Variants in TENT4A observed in about 807,000 individuals in gnomAD.
TENT4A encodes the protein terminal nucleotidyltransferase 4A.
TENT4A carries 7 observed loss-of-function variants against 72.8 expected under a neutral mutation model. That is an observed-to-expected ratio of 0.10 (90% CI 0.05 to 0.18). The LOEUF is 0.18. Among genes scored for constraint, TENT4A ranks in the 10% least tolerant of loss-of-function variants. The pLI is 1.00. For synonymous variants in TENT4A, 456 were observed against 434.3 expected (o/e 1.05, Z -0.62); for missense variants, 831 against 1,017.7 (o/e 0.82, Z 2.50).
intron 1 of TENT4A, among the ~76,000 whole-genome samples, chr5:6,725,990 G>A (rs1377175303): frequency 6.6e-6 from 1 of 152,196 alleles, no homozygotes; most frequent in African/African-American, 2.4e-5. Flanking sequence ...CAGAGTAAAA[G>A]CTTTGATGAA....
intron 1 of TENT4A, among the ~76,000 whole-genome samples, chr5:6,730,148 C>T (rs1408795482): frequency 6.6e-6 from 1 of 152,032 alleles, no homozygotes; most frequent in Non-Finnish European, 1.5e-5. Flanking sequence ...GCATTTGCAG[C>T]GTGCTTGGGT....
intron 1 of TENT4A, among the ~76,000 whole-genome samples, chr5:6,727,743 G>A (rs555071274): frequency 8.7e-4 from 132 of 152,246 alleles, no homozygotes; most frequent in Non-Finnish European, 1.7e-3. Context: ...GCAACTTTTT[G>A]GTTTATTTTG....
In TENT4A at chr5:6,755,836, G is replaced by A. The variant is rs1320049203; in HGVS notation, c.*891G>A. ...CTGGACAACAAATCCAGCATTTCAA[G>A]TGCCAGAAGTATAACTTTCTAAGGA... On this transcript the variant is annotated 3_prime_UTR_variant, in exon 13 of 13. Transcript: ENST00000230859. The A allele has an allele frequency of 1.3e-5, 2 of 152,360 alleles. No homozygotes were observed. Among genetic ancestry groups the A allele is most frequent in the East Asian group, 1.9e-4 (1 of 5,194 alleles). 9.4% of individuals were successfully genotyped at this position (152,360 alleles called of 1,614,324 possible). A position where few individuals can be genotyped will look rare whatever the true frequency, so the allele number is the denominator to read the frequency against.
chr5:6,745,111 CTAAG>C (rs1215409568), intron 6 of TENT4A, among the ~76,000 whole-genome samples: 1 of 152,146 alleles, frequency 6.6e-6, no homozygotes, highest in Non-Finnish European at 1.5e-5. Context: ...AGTTTCTTGA[CTAAG>C]TGAGGGGAGG....
At chr5:6,726,176 C>T (rs1740909889) in intron 1 of TENT4A, among the ~76,000 whole-genome samples, 2 of 152,144 alleles carry the variant, frequency 1.3e-5, no homozygotes, top group South Asian at 4.2e-4. Context: ...AAGCACTTGC[C>T]AGTGTGGATT....
At chr5:6,745,721 A>G (rs1260587820) in intron 6 of TENT4A, among the ~76,000 whole-genome samples, 11 of 152,152 alleles carry the variant, frequency 7.2e-5, no homozygotes, top group African/African-American at 2.2e-4. Context: ...TGCTATAAAT[A>G]TTGTGATATA....
chr5:6,748,418 G>A (rs779962652), intron 7 of TENT4A, 46 bp from the exon 8 acceptor site: 106 of 1,606,544 alleles, frequency 6.6e-5, no homozygotes, highest in South Asian at 1.1e-4. Flanking sequence ...ACATGTGGAC[G>A]ATGGTGTGCA....
intron 1 of TENT4A, among the ~76,000 whole-genome samples, chr5:6,731,752 G>A (rs1281753218): frequency 2.6e-5 from 4 of 152,048 alleles, no homozygotes; most frequent in Non-Finnish European, 5.9e-5. Flanking sequence ...GTTCATTTTC[G>A]TGACGTTTCC....
chr5:6,751,652 CTTT>C (rs1028761680), intron 11 of TENT4A, among the ~76,000 whole-genome samples: 1 of 152,094 alleles, frequency 6.6e-6, no homozygotes, highest in African/African-American at 2.4e-5. Context: ...ATTTCTAAGG[CTTT>C]TTCTGTTGGA....
rs958067996 is a variant in TENT4A at position 6,755,745 on chromosome 5, G to A, written c.*800G>A. Reference sequence around the variant, plus strand: ...GCAGACTGCCCGTGGCCCTGCTGTCGGGCCCCAGGCCGTTGTCCTGCTCTG... The same window carrying A: ...GCAGACTGCCCGTGGCCCTGCTGTCAGGCCCCAGGCCGTTGTCCTGCTCTG... On this transcript the variant is annotated 3_prime_UTR_variant, in exon 13 of 13. Transcript: ENST00000230859. The A allele has an allele frequency of 3.9e-5, 6 of 152,268 alleles. No homozygotes were observed. Among genetic ancestry groups the A allele is most frequent in the Admixed American group, 2.0e-4 (3 of 15,292 alleles). 9.4% of individuals were successfully genotyped at this position (152,268 alleles called of 1,614,324 possible). A position where few individuals can be genotyped will look rare whatever the true frequency, so the allele number is the denominator to read the frequency against.
chr5:6,755,167 C>A lies in TENT4A; in HGVS notation c.*222C>A. ...CCTTATTAAACGTGGACGTTGTTTT[C>A]TGCCTTCCCAGGATTCTTCCTTCAG... On this transcript the variant is annotated 3_prime_UTR_variant, in exon 13 of 13. Transcript: ENST00000230859. The A allele has an allele frequency of 2.4e-6, 1 of 418,378 alleles. No individual in the cohort carries two copies. The highest frequency in any genetic ancestry group is 4.2e-6 in the Non-Finnish European group (1 of 236,096). 25.9% of individuals were successfully genotyped at this position (418,378 alleles called of 1,614,324 possible).
intron 4 of TENT4A, among the ~76,000 whole-genome samples, chr5:6,740,533 T>G (rs1364598028): frequency 6.6e-6 from 1 of 152,182 alleles, no homozygotes; most frequent in Non-Finnish European, 1.5e-5. Flanking sequence ...TTTAGCAGAA[T>G]GTAAGTTAAG....
intron 7 of TENT4A, among the ~76,000 whole-genome samples, chr5:6,747,664 A>G (rs1742181167): frequency 6.6e-6 from 1 of 152,192 alleles, no homozygotes; most frequent in African/African-American, 2.4e-5. Context: ...ATTGTCTTCA[A>G]GTGTCTGCTG....
rs1185334140 is a variant in TENT4A at position 6,739,871 on chromosome 5, C to T, written c.1008+19C>T. On this transcript the variant is annotated intron_variant, in intron 4 of 12. Coordinates refer to ENST00000230859, the MANE Select transcript of TENT4A (RefSeq NM_006999.6). ...GGCTACGGTGAGTGCCTGGCTTTGG[C>T]CCCTCTGACCGGGCAGGAGCCTTGT... 3.7e-6 allele frequency: 6 copies of T among 1,609,768 alleles called. 1 individual carries two copies. In the Admixed American group the frequency reaches 5.0e-5, roughly 13 times the overall value.
intron 1 of TENT4A, among the ~76,000 whole-genome samples, chr5:6,732,169 AT>A (rs1450688131): frequency 6.6e-6 from 1 of 152,172 alleles, no homozygotes; most frequent in East Asian, 1.9e-4. Flanking sequence ...CCTGGGAGAG[AT>A]ACAAAGCGCC....
At chr5:6,728,964 G>A (rs1265544654) in intron 1 of TENT4A, among the ~76,000 whole-genome samples, 2 of 151,996 alleles carry the variant, frequency 1.3e-5, no homozygotes, top group African/African-American at 2.4e-5. Flanking sequence ...GTATCATTTC[G>A]TATTTTAAAA....
chr5:6,749,590 G>T lies in TENT4A; in HGVS notation c.1620G>T (p.Glu540Asp), dbSNP rs140169056. ...GAAGAATCATCAAAGTAACTCAGGA[G>T]GTGATTGACTACCGGAGGTGGATCA... ...TLGRIIKVTQ[E>D]VIDYRRWIKE... Residue 540 changes from glutamate (E) to aspartate (D), a missense_variant, in exon 9 of 13, where the codon GAG (glutamate) becomes GAT (aspartate). Physicochemically the swap from Glu to Asp is conservative, Grantham distance 45. This residue lies in a region of TENT4A where 197 missense variants were observed against 399.6 expected (regional missense o/e 0.49). Transcript: ENST00000230859. 6.2e-7 allele frequency: 1 copy of T among 1,613,812 alleles called. No individual in the cohort carries two copies.
intron 1 of TENT4A, among the ~76,000 whole-genome samples, chr5:6,724,679 T>C (rs912525831): frequency 1.3e-5 from 2 of 152,066 alleles, no homozygotes; most frequent in Non-Finnish European, 2.9e-5. Context: ...TTAGGATTGG[T>C]TTTAGAATAA....
intron 1 of TENT4A, among the ~76,000 whole-genome samples, chr5:6,715,949 T>C (rs1419917781): frequency 6.6e-6 from 1 of 152,156 alleles, no homozygotes; most frequent in Non-Finnish European, 1.5e-5. Flanking sequence ...TTGGGAGCAG[T>C]TTCTTCTTGA....
Sources: allele counts gnomAD v4.1 joint callset (sites outside exome capture counted in the v4.1 genomes callset), GRCh38; gene constraint gnomAD v4.1.1; regional missense constraint gnomAD v4.1.1; transcripts MANE v1.5; gene names NCBI Gene and HGNC (gene_info 2026-07-23, HGNC 2026-07-21).